Variants in PHF10 observed in about 807,000 individuals in gnomAD.
The protein encoded by PHF10 is PHD finger protein 10.
In PHF10, 51 loss-of-function variants were observed where a neutral mutation model predicts 68.5. The observed-to-expected ratio is 0.74, with a 90% CI of 0.59 to 0.94. The LOEUF (loss-of-function observed/expected upper bound fraction) is 0.94. PHF10 is among the 40% of genes least tolerant of loss of function. The probability of loss-of-function intolerance (pLI) is 0.00; values close to 1 mark genes in which losing one functional copy is unlikely to be tolerated. For synonymous variants in PHF10, 204 were observed against 203.5 expected, an observed-to-expected ratio of 1.00 and a Z score of -0.02; for missense variants, 460 against 602.6, an observed-to-expected ratio of 0.76 and a Z score of 2.48.
intron 4 of PHF10, 80 bp downstream of exon 4, chr6:169,717,743 T>A (rs1249855945): frequency 1.6e-6 from 1 of 626,802 alleles, no homozygotes; most frequent in East Asian, 3.0e-5. Flanking sequence ...TTGTAAAATA[T>A]TTTAGGAAAT....
chr6:169,710,836 T>C (rs1266638334), intron 8 of PHF10, among the ~76,000 whole-genome samples: 1 of 149,238 alleles, frequency 6.7e-6, no homozygotes, highest in Non-Finnish European at 1.5e-5. Flanking sequence ...GCGCTGCAGT[T>C]AGGAAAAAAA....
Position 169,723,947 on chromosome 6 carries a change from G to GCGCCGC in PHF10, c.-22_-17dup, listed in dbSNP as rs1171146413. ...CCGCCGCCATCAGCCCGAGCGCCCC[G>GCGCCGC]CGCCGCCGCCGCCGCCGTCGCCTCC... On this transcript the variant is annotated 5_prime_UTR_variant, in exon 1 of 12. Transcript: ENST00000339209. 28 of 883,288 alleles carry GCGCCGC rather than the reference G, an allele frequency of 3.2e-5. No individual in the cohort carries two copies. Among genetic ancestry groups the GCGCCGC allele is most frequent in the South Asian group, 1.5e-4 (3 of 19,874 alleles). The allele number at this position is 883,288 out of a possible 1,614,324, so 54.7% of individuals were successfully genotyped here.
At chr6:169,710,752 T>C (rs1240276421) in intron 8 of PHF10, among the ~76,000 whole-genome samples, 5 of 152,056 alleles carry the variant, frequency 3.3e-5, no homozygotes, top group South Asian at 2.1e-4. Context: ...TACAAAAATA[T>C]ATTGTTACAA....
At chr6:169,715,421 G>GA (rs1244743311) in intron 6 of PHF10, among the ~76,000 whole-genome samples, 1 of 152,138 alleles carries the variant, frequency 6.6e-6, no homozygotes, top group African/African-American at 2.4e-5. Flanking sequence ...CAAAAAATTA[G>GA]CTGGGTGTGG....
At chr6:169,706,727 T>TACAC (rs55829134) in intron 9 of PHF10, among the ~76,000 whole-genome samples, 35 of 127,362 alleles carry the variant, frequency 2.7e-4, no homozygotes, top group African/African-American at 3.7e-4. Flanking sequence ...CATACATACA[T>TACAC]ACACACACAC....
chr6:169,717,173 C>T (rs566368321), intron 4 of PHF10, among the ~76,000 whole-genome samples: 12 of 152,008 alleles, frequency 7.9e-5, no homozygotes, highest in African/African-American at 9.7e-5. Flanking sequence ...TCCTTGAACC[C>T]GGGAGATGGA....
chr6:169,710,869 A>AT (rs1403671619), intron 8 of PHF10, among the ~76,000 whole-genome samples: 2 of 152,082 alleles, frequency 1.3e-5, no homozygotes, highest in African/African-American at 4.8e-5. Flanking sequence ...TCAAGTACAC[A>AT]TTTGTGTTTT....
Position 169,721,115 on chromosome 6 carries a change from T to C in PHF10, c.88-4A>G, listed in dbSNP as rs1789166548. 2.8e-6 allele frequency: 4 copies of C among 1,427,622 alleles called. No homozygotes were observed. The highest frequency in any genetic ancestry group is 1.4e-5 in the African/African-American group (1 of 70,506). The allele number at this position is 1,427,622 out of a possible 1,614,324, so 88.4% of individuals were successfully genotyped here. On this transcript the variant is annotated splice_region_variant and splice_polypyrimidine_tract_variant and intron_variant, in intron 1 of 11. Transcript: ENST00000339209. ...TTGAATTATCTTCATTATCATCCTA[T>C]ACATTTAAAAGATTCAAAAATAATA...
intron 6 of PHF10, among the ~76,000 whole-genome samples, chr6:169,715,091 T>C (rs924041855): frequency 1.3e-5 from 2 of 152,172 alleles, no homozygotes; most frequent in Non-Finnish European, 2.9e-5. Flanking sequence ...CAGAGTGATC[T>C]GGGTAGCTTA....
Position 169,723,992 on chromosome 6 carries a change from C to CGCCGCT in PHF10, c.-67_-62dup, listed in dbSNP as rs1201836642. On this transcript the variant is annotated 5_prime_UTR_variant, in exon 1 of 12. Transcript: ENST00000339209. Reference sequence around the variant, plus strand: ...GCCTCCGCCTTGTCCCGGCCGCCGCCGCCGCTGCCGCCGCCGCCGCCGCCG... The same window carrying CGCCGCT: ...GCCTCCGCCTTGTCCCGGCCGCCGCCGCCGCTGCCGCTGCCGCCGCCGCCGCCGCCG... 6 of 382,316 alleles carry CGCCGCT rather than the reference C, an allele frequency of 1.6e-5. No individual in the cohort carries two copies. The highest frequency in any genetic ancestry group is 4.5e-5 in the African/African-American group (2 of 44,176). 23.7% of individuals were successfully genotyped at this position (382,316 alleles called of 1,614,324 possible). A position where few individuals can be genotyped will look rare whatever the true frequency, so the allele number is the denominator to read the frequency against.
intron 11 of PHF10, 143 bp downstream of exon 11, chr6:169,704,990 A>C: frequency 1.9e-6 from 1 of 530,654 alleles, no homozygotes; most frequent in South Asian, 4.2e-5. Context: ...GGTGGACATG[A>C]CCTGTATAAT....
At position 169,721,022 on chromosome 6, in the gene PHF10, A is replaced by C; in HGVS notation, c.177T>G (p.Thr59=). Reference sequence around the variant, plus strand: ...GACAGTACCCAAGATCTTGACTTGAAGTTTCACAACTCCTAGAACTATCTC... The same window carrying C: ...GACAGTACCCAAGATCTTGACTTGACGTTTCACAACTCCTAGAACTATCTC... ...GSGDSSRSCE[T]SSQDLGFSYY... Residue 59 remains threonine, a synonymous_variant, in exon 2 of 12, where the codon ACT becomes ACG. Coordinates refer to ENST00000339209, the MANE Select transcript of PHF10 (RefSeq NM_018288.4). The C allele has an allele frequency of 6.5e-7, 1 of 1,540,658 alleles. No individual in the cohort carries two copies. The highest frequency in any genetic ancestry group is 8.8e-7 in the Non-Finnish European group (1 of 1,139,112).
rs528455024 is a variant in PHF10 at position 169,704,220 on chromosome 6, A to G, written c.1412-132T>C. ...TGGATTTTGTGGTGAGAAGGGCACTATGAGTTCCTTAATTTAAGGAAAAAA... is the reference window on the plus strand; with the variant it reads ...TGGATTTTGTGGTGAGAAGGGCACTGTGAGTTCCTTAATTTAAGGAAAAAA... On this transcript the variant is annotated intron_variant, in intron 11 of 11. Coordinates refer to ENST00000339209, the MANE Select transcript of PHF10 (RefSeq NM_018288.4). 1.5e-5 allele frequency: 9 copies of G among 600,674 alleles called. No individual in the cohort carries two copies. The African/African-American group carries it at 1.6e-4, about 10-fold the overall frequency. The allele number at this position is 600,674 out of a possible 1,614,324, so 37.2% of individuals were successfully genotyped here. A position where few individuals can be genotyped will look rare whatever the true frequency, so the allele number is the denominator to read the frequency against.
At chr6:169,705,030 G>A (rs1467084225) in intron 11 of PHF10, 103 bp downstream of exon 11, 1 of 793,932 alleles carries the variant, frequency 1.3e-6, no homozygotes, top group Non-Finnish European at 2.0e-6. Context: ...GCACATAAGA[G>A]TCCACAAGCT....
chr6:169,720,008 T>C (rs1201231188), intron 2 of PHF10, among the ~76,000 whole-genome samples: 5 of 151,802 alleles, frequency 3.3e-5, no homozygotes, highest in African/African-American at 1.2e-4. Context: ...GACAAAGAAC[T>C]TGAATAGACA....
At position 169,723,968 on chromosome 6, in the gene PHF10, C is replaced by T; in HGVS notation, c.-37G>A. ...CCCCGCGCCGCCGCCGCCGCCGTCG[C>T]CTCCGCCTTGTCCCGGCCGCCGCCG... On this transcript the variant is annotated 5_prime_UTR_variant, in exon 1 of 12. Coordinates refer to ENST00000339209, the MANE Select transcript of PHF10 (RefSeq NM_018288.4). The T allele has an allele frequency of 4.4e-6, 3 of 681,912 alleles. No homozygotes were observed. Among genetic ancestry groups the T allele is most frequent in the Non-Finnish European group, 5.4e-6 (3 of 555,412 alleles). 42.2% of individuals were successfully genotyped at this position (681,912 alleles called of 1,614,324 possible). A position where few individuals can be genotyped will look rare whatever the true frequency, so the allele number is the denominator to read the frequency against.
rs1420021284 is a variant in PHF10 at position 169,712,492 on chromosome 6, T to C, written c.851A>G (p.Tyr284Cys). Residue 284 changes from tyrosine (Y) to cysteine (C), a missense_variant, in exon 8 of 12, where the codon TAT (tyrosine) becomes TGT (cysteine). Tyr to Cys is a radical substitution (Grantham distance 194, BLOSUM62 -2). Around this residue, in one of 3 missense-constraint regions of PHF10, gnomAD observed 256 missense variants for 410.5 expected, o/e 0.62. Transcript: ENST00000339209. ...LRYLPLNTAL[Y>C]EPPLDPELPA... is the part of the protein sequence containing the mutation. Reference sequence around the variant, plus strand: ...GAGCTCAGGATCCAGAGGGGGCTCATACAGGGCTGTGTTTAATGGCAGATA... The same window carrying C: ...GAGCTCAGGATCCAGAGGGGGCTCACACAGGGCTGTGTTTAATGGCAGATA... 1 of 1,613,900 alleles carries C rather than the reference T, an allele frequency of 6.2e-7. No individual in the cohort carries two copies. Among genetic ancestry groups the C allele is most frequent in the Non-Finnish European group, 8.5e-7 (1 of 1,179,764 alleles).
chr6:169,712,341 T>G, intron 8 of PHF10, 45 bp downstream of exon 8: 1 of 1,554,440 alleles, frequency 6.4e-7, no homozygotes, highest in Non-Finnish European at 8.8e-7. Flanking sequence ...TAACAAAAAT[T>G]CAAAGAGAAA....
At chr6:169,708,131 G>A (rs893912071) in intron 9 of PHF10, 8 of 152,100 alleles carry the variant, frequency 5.3e-5, no homozygotes, top group Non-Finnish European at 1.2e-4. Context: ...CTATTGACAA[G>A]AAAACTGAAA....
Sources: allele counts gnomAD v4.1 joint callset (sites outside exome capture counted in the v4.1 genomes callset), GRCh38; gene constraint gnomAD v4.1.1; regional missense constraint gnomAD v4.1.1; transcripts MANE v1.5; gene names NCBI Gene and HGNC (gene_info 2026-07-23, HGNC 2026-07-21).